Variants in BABAM2 observed in about 807,000 individuals in gnomAD.
BABAM2 encodes the protein BRISC and BRCA1 A complex member 2, also known as BRISC and BRCA1-A complex member 2.
A neutral mutation model predicts 54.7 loss-of-function variants in BABAM2; 31 were observed. The observed-to-expected ratio is 0.57, with a 90% CI of 0.43 to 0.77. The LOEUF is 0.77. Ranked by LOEUF, BABAM2 falls within the 30% of genes least tolerant of loss-of-function variation. The pLI is 0.00. For missense variants in BABAM2, 364 were observed against 455.8 expected (o/e 0.80, Z 1.83); for synonymous variants, 167 against 162.9 (o/e 1.03, Z -0.19).
intron 1 of BABAM2, among the ~76,000 whole-genome samples, chr2:27,893,401 G>A (rs1374449048): frequency 6.6e-6 from 1 of 152,156 alleles, no homozygotes; most frequent in Non-Finnish European, 1.5e-5. Context: ...CTGCATAGAT[G>A]TATGTTTTCA....
chr2:28,110,498 C>T (rs1442821242), intron 6 of BABAM2, among the ~76,000 whole-genome samples: 1 of 151,988 alleles, frequency 6.6e-6, no homozygotes, highest in Non-Finnish European at 1.5e-5. Flanking sequence ...GTGGCAGGTG[C>T]CTGTAATCCC....
At chr2:28,084,905 G>A (rs1453341897) in intron 6 of BABAM2, among the ~76,000 whole-genome samples, 1 of 152,104 alleles carries the variant, frequency 6.6e-6, no homozygotes, top group Non-Finnish European at 1.5e-5. Context: ...GATAGAATGT[G>A]TATTCAGGCA....
rs141784811 is a variant in BABAM2 at position 28,197,259 on chromosome 2, A to T, written c.681-39943A>T. Among the ~76,000 whole-genome samples the T allele has an allele frequency of 7.6e-3, 1,150 of 152,274 alleles. 12 individuals carry two copies. Among genetic ancestry groups the T allele is most frequent in the Non-Finnish European group, 0.013 (907 of 68,008 alleles). On this transcript the variant is annotated intron_variant, in intron 7 of 11. Coordinates refer to ENST00000379624, the MANE Select transcript of BABAM2 (RefSeq NM_199191.3). ...TGAGTCACATTGACTCTTGTTTTAA[A>T]GCCTTGCTTGAGCGCCGGCTGATAC...
intron 10 of BABAM2, among the ~76,000 whole-genome samples, chr2:28,257,912 C>T (rs1369201557): frequency 1.3e-5 from 2 of 151,884 alleles, no homozygotes; most frequent in Non-Finnish European, 1.5e-5. Flanking sequence ...CGTGGTGGCT[C>T]ACGCCTGCAA....
intron 7 of BABAM2, among the ~76,000 whole-genome samples, chr2:28,134,910 A>C (rs891601884): frequency 6.6e-6 from 1 of 152,244 alleles, no homozygotes; most frequent in Non-Finnish European, 1.5e-5. Flanking sequence ...ATATTAATAC[A>C]TGGCATCAGA....
intron 7 of BABAM2, among the ~76,000 whole-genome samples, chr2:28,219,132 A>T (rs1268566965): frequency 6.6e-6 from 1 of 152,242 alleles, no homozygotes; most frequent in Non-Finnish European, 1.5e-5. Flanking sequence ...TCAAGGTGCC[A>T]GTGGGCCGCA....
chr2:27,893,248 G>A (rs915330945), intron 1 of BABAM2, among the ~76,000 whole-genome samples: 2 of 152,138 alleles, frequency 1.3e-5, no homozygotes, highest in South Asian at 2.1e-4. Flanking sequence ...AGAAGAATTC[G>A]TGTACTCCCT....
intron 4 of BABAM2, among the ~76,000 whole-genome samples, chr2:27,990,716 C>G (rs893982317): frequency 6.6e-6 from 1 of 151,542 alleles, no homozygotes. Flanking sequence ...ATTTTTAAAA[C>G]AAAAATATAT....
chr2:28,056,212 T>C (rs755547191), intron 6 of BABAM2, among the ~76,000 whole-genome samples: 11 of 152,148 alleles, frequency 7.2e-5, no homozygotes, highest in Non-Finnish European at 1.5e-4. Context: ...CTACAGGTTA[T>C]AGAATTGTAC....
intron 4 of BABAM2, chr2:28,016,414 G>T: frequency 7.1e-7 from 1 of 1,406,434 alleles, no homozygotes; most frequent in Non-Finnish European, 1.0e-6. Flanking sequence ...CTGAAGACTG[G>T]ATTGGACCCC....
chr2:28,248,551 T>C (rs948456178), intron 10 of BABAM2, among the ~76,000 whole-genome samples: 1 of 152,026 alleles, frequency 6.6e-6, no homozygotes, highest in African/African-American at 2.4e-5. Context: ...GAGAACCAGA[T>C]AGCAAGGCGA....
chr2:28,271,377 C>A (rs192496700), intron 10 of BABAM2, among the ~76,000 whole-genome samples: 20 of 152,346 alleles, frequency 1.3e-4, no homozygotes, highest in Admixed American at 1.3e-3. Context: ...CAAGGATTCC[C>A]CAGCCAGTCA....
intron 3 of BABAM2, among the ~76,000 whole-genome samples, chr2:27,948,130 T>G (rs536961585): frequency 2.0e-5 from 3 of 152,146 alleles, no homozygotes; most frequent in Non-Finnish European, 4.4e-5. Flanking sequence ...TTTAGTTTTC[T>G]ATGTTATTAG....
At chr2:27,962,458 G>A (rs1670540116) in intron 3 of BABAM2, among the ~76,000 whole-genome samples, 1 of 152,156 alleles carries the variant, frequency 6.6e-6, no homozygotes, top group Non-Finnish European at 1.5e-5. Flanking sequence ...AGATAATAAA[G>A]TGGACCAGAT....
chr2:28,310,031 G>T (rs759545172), intron 11 of BABAM2: 4 of 1,553,658 alleles, frequency 2.6e-6, no homozygotes, highest in Admixed American at 1.7e-5. Flanking sequence ...TTGGATCCTT[G>T]AACCCTTTTG....
At chr2:28,295,302 G>A (rs1301797149) in intron 10 of BABAM2, among the ~76,000 whole-genome samples, 2 of 152,204 alleles carry the variant, frequency 1.3e-5, no homozygotes, top group African/African-American at 2.4e-5. Flanking sequence ...TGGATACTGA[G>A]TGATGACTGT....
chr2:27,924,748 C>T (rs984376701), intron 2 of BABAM2, among the ~76,000 whole-genome samples: 5 of 152,068 alleles, frequency 3.3e-5, no homozygotes, highest in East Asian at 3.9e-4. Flanking sequence ...TGAATTTTCA[C>T]AGTAAATTAA....
chr2:28,269,894 G>T (rs1685279900), intron 10 of BABAM2, among the ~76,000 whole-genome samples: 1 of 151,190 alleles, frequency 6.6e-6, no homozygotes, highest in African/African-American at 2.4e-5. Flanking sequence ...AGCTCTAATA[G>T]TATTTGACTG....
chr2:28,129,086 A>C (rs535174399), intron 6 of BABAM2, among the ~76,000 whole-genome samples, 185 bp from the exon 7 acceptor site: 3 of 152,276 alleles, frequency 2.0e-5, no homozygotes, highest in African/African-American at 7.2e-5. Context: ...TTTGCTCAGA[A>C]AGTTTAAAAT....
Sources: allele counts gnomAD v4.1 joint callset (sites outside exome capture counted in the v4.1 genomes callset), GRCh38; gene constraint gnomAD v4.1.1; transcripts MANE v1.5; gene names NCBI Gene and HGNC (gene_info 2026-07-23, HGNC 2026-07-21).